The following RBM33 variants were observed in gnomAD, a reference collection of about 807,000 sequenced individuals.
RBM33 encodes RNA binding motif protein 33, also known as RNA-binding protein 33.
A neutral mutation model predicts 132.6 loss-of-function variants in RBM33; 28 were observed. The observed-to-expected ratio is 0.21, with a 90% confidence interval of 0.16 to 0.29. The LOEUF (loss-of-function observed/expected upper bound fraction) is 0.29, where lower values mean the gene tolerates loss of function less well. Among genes scored for constraint, RBM33 ranks in the 10% least tolerant of loss-of-function variants. The pLI, the probability that RBM33 is intolerant of heterozygous loss-of-function variation, is 1.00. For missense variants in RBM33, 1,291 were observed against 1,518.5 expected (o/e 0.85, Z 2.49); for synonymous variants, 634 against 593.0 (o/e 1.07, Z -1.01).
chr7:155,767,362 G>A (rs1437418148), intron 16 of RBM33, among the ~76,000 whole-genome samples: 1 of 152,370 alleles, frequency 6.6e-6, no homozygotes, highest in East Asian at 1.9e-4. Flanking sequence ...CGTGCGTCCC[G>A]TGGTGGGATC....
intron 7 of RBM33, among the ~76,000 whole-genome samples, chr7:155,709,791 A>G (rs781275248): frequency 6.6e-6 from 1 of 152,222 alleles, no homozygotes; most frequent in Non-Finnish European, 1.5e-5. Context: ...AGGAGGGGGA[A>G]ACATACTGCA....
In RBM33 at chr7:155,706,885, A is replaced by G. The variant is rs1311644159; in HGVS notation, c.765A>G (p.Ala255=). The G allele has an allele frequency of 1.9e-6, 3 of 1,605,630 alleles. No homozygotes were observed. Among genetic ancestry groups the G allele is most frequent in the East Asian group, 2.2e-5 (1 of 44,712 alleles). The change falls in exon 7 of 18, where the codon GCA becomes GCG. Residue 255 remains alanine (A), a synonymous_variant. Transcript: ENST00000401878. ...AGCTTTCAGCAGAGGCCAAGGCAGC[A>G]TTGCTTGAATTTGAAGAAAGGGAGC... ...TLELSAEAKA[A]LLEFEERERQ... is the part of the protein sequence containing the mutation.
chr7:155,654,703 C>A (rs1213469060), intron 1 of RBM33, among the ~76,000 whole-genome samples: 3 of 152,196 alleles, frequency 2.0e-5, no homozygotes, highest in Admixed American at 1.3e-4. Flanking sequence ...CAGCCCTCAT[C>A]ACATTGTGTA....
intron 9 of RBM33, among the ~76,000 whole-genome samples, chr7:155,735,980 C>T (rs939130700): frequency 6.6e-6 from 1 of 152,222 alleles, no homozygotes. Flanking sequence ...TCAAAAGCTA[C>T]GAGATTTTCA....
chr7:155,739,817 CAGCCCCCG>C lies in RBM33; in HGVS notation c.1841_1848del (p.Gln614ProfsTer68). 8.0e-6 allele frequency: 10 copies of C among 1,249,028 alleles called. No individual in the cohort carries two copies. The Admixed American group carries it at 1.1e-4, about 13-fold the overall frequency. 77.4% of individuals were successfully genotyped at this position (1,249,028 alleles called of 1,614,324 possible). On this transcript the variant is annotated frameshift_variant, in exon 12 of 18. Coordinates refer to ENST00000401878, the MANE Select transcript of RBM33 (RefSeq NM_053043.3). LOFTEE classifies it high-confidence loss of function. ...CCAGCCTCCGCACCAGCCCCCGCAC[CAGCCCCCG>C]CCCCAGCACCAGCCCCCACCCCAGC...
rs964733986 is a variant in RBM33, at chr7:155,737,417, C to CA, written c.1261-112dup. The CA allele has an allele frequency of 9.4e-5, 95 of 1,015,006 alleles. No homozygotes were observed. The African/African-American group carries it at 1.4e-3, about 15-fold the overall frequency. The allele number at this position is 1,015,006 out of a possible 1,614,324, so 62.9% of individuals were successfully genotyped here. ...GAGAAAGACAGTGACTGTTAGGAGA[C>CA]ACGTTACTTGACATTTTTGAGGAAA... On this transcript the variant is annotated intron_variant, in intron 9 of 17. Coordinates refer to ENST00000401878, the MANE Select transcript of RBM33 (RefSeq NM_053043.3).
At chr7:155,760,123 C>T (rs1392812177) in intron 14 of RBM33, among the ~76,000 whole-genome samples, 1 of 152,220 alleles carries the variant, frequency 6.6e-6, no homozygotes, top group African/African-American at 2.4e-5. Flanking sequence ...CTGATCTATT[C>T]ACTAAATATT....
At chr7:155,771,513 G>A (rs1201093395) in intron 16 of RBM33, among the ~76,000 whole-genome samples, 6 of 152,122 alleles carry the variant, frequency 3.9e-5, no homozygotes, top group Admixed American at 1.3e-4. Context: ...AATCTCACTG[G>A]AAGTTAATGC....
intron 8 of RBM33, among the ~76,000 whole-genome samples, chr7:155,712,742 C>T (rs780480830): frequency 1.1e-4 from 16 of 152,180 alleles, no homozygotes; most frequent in African/African-American, 1.7e-4. Flanking sequence ...AGGAGACCAG[C>T]GTGACTTTTG....
chr7:155,750,030 T>G (rs1405927159), intron 14 of RBM33, among the ~76,000 whole-genome samples: 1 of 152,260 alleles, frequency 6.6e-6, no homozygotes, highest in Non-Finnish European at 1.5e-5. Context: ...TTTTACTGTC[T>G]GGATTTGCTA....
At chr7:155,700,713 T>C in intron 5 of RBM33, 60 bp from the exon 6 acceptor site, 1 of 1,217,758 alleles carries the variant, frequency 8.2e-7, no homozygotes, top group South Asian at 1.5e-5. Flanking sequence ...TTCTTTAATA[T>C]TTAATTCAAA....
chr7:155,776,728 C>G lies in RBM33; in HGVS notation c.*1687C>G, dbSNP rs1802625075. 1 of 152,410 alleles carries G rather than the reference C, an allele frequency of 6.6e-6. No homozygotes were observed. Among genetic ancestry groups the G allele is most frequent in the South Asian group, 2.1e-4 (1 of 4,832 alleles). The allele number at this position is 152,410 out of a possible 1,614,324, so 9.4% of individuals were successfully genotyped here. On this transcript the variant is annotated 3_prime_UTR_variant, in exon 18 of 18. Transcript: ENST00000401878. This position sits in a 1 kb window ranked among gnomAD's most constrained non-coding sequence, Gnocchi z 4.0. ...TCTGCTCCAGAGTGTCCCAGCCAAC[C>G]CTCGGAAGATGGGATTGCCAGTCAG...
intron 9 of RBM33, among the ~76,000 whole-genome samples, chr7:155,726,244 A>G (rs1268353089): frequency 6.6e-6 from 1 of 152,206 alleles, no homozygotes; most frequent in East Asian, 1.9e-4. Flanking sequence ...TTATTAAAAT[A>G]TACGGACTGA....
chr7:155,673,801 C>CACACACACACACA (rs1799077085), intron 3 of RBM33, among the ~76,000 whole-genome samples: 4 of 142,318 alleles, frequency 2.8e-5, no homozygotes, highest in Admixed American at 7.0e-5. Context: ...CACACACACA[C>CACACACACACACA]CCCTACCAGT....
chr7:155,673,939 A>AGTTGTTGTTTGTTTTTT (rs144951964), intron 3 of RBM33, among the ~76,000 whole-genome samples: 3 of 14,348 alleles, frequency 2.1e-4, no homozygotes, highest in African/African-American at 8.4e-4. Context: ...GTTTAGGCTT[A>AGTTGTTGTTTGTTTTTT]GTTTTTTTTT....
At chr7:155,678,151 CTCATT>C (rs3080626) in intron 3 of RBM33, among the ~76,000 whole-genome samples, 97,512 of 151,568 alleles carry the variant, frequency 0.64, 32,247 homozygotes, top group South Asian at 0.77. Flanking sequence ...GTTTTATAGT[CTCATT>C]TCAATTTAAT....
intron 11 of RBM33, chr7:155,738,643 T>G: frequency 3.7e-6 from 2 of 541,998 alleles, no homozygotes; most frequent in Non-Finnish European, 6.5e-6. Context: ...CTTATTATAA[T>G]TGTTTAAAGG....
intron 2 of RBM33, among the ~76,000 whole-genome samples, chr7:155,671,512 C>T (rs1044254334): frequency 1.3e-5 from 2 of 152,094 alleles, no homozygotes; most frequent in Non-Finnish European, 2.9e-5. Context: ...TTCTAAAAGG[C>T]GTTATATAGA....
intron 14 of RBM33, among the ~76,000 whole-genome samples, chr7:155,752,006 C>T (rs897939207): frequency 3.3e-5 from 5 of 152,270 alleles, no homozygotes; most frequent in African/African-American, 9.6e-5. Context: ...TGAATTGTTA[C>T]TTTATGCAAT....
Sources: allele counts gnomAD v4.1 joint callset (sites outside exome capture counted in the v4.1 genomes callset), GRCh38; gene constraint gnomAD v4.1.1; non-coding constraint Gnocchi (gnomAD v3.1); transcripts MANE v1.5; gene names NCBI Gene and HGNC (gene_info 2026-07-23, HGNC 2026-07-21).